The following CENPP variants were observed in gnomAD, a reference collection of about 807,000 sequenced individuals.
CENPP encodes centromere protein P.
Under a neutral mutation model 35.6 loss-of-function variants are expected in CENPP, and 24 were observed. That is an observed-to-expected ratio of 0.67 (90% CI 0.49 to 0.95). The LOEUF is 0.95. Among genes scored for constraint, CENPP ranks in the 40% least tolerant of loss-of-function variants. The probability of loss-of-function intolerance (pLI) is 0.00; values close to 1 mark genes in which losing one functional copy is unlikely to be tolerated. For synonymous variants in CENPP, 120 were observed against 125.5 expected, an observed-to-expected ratio of 0.96 and a Z score of 0.29; for missense variants, 332 against 345.3, an observed-to-expected ratio of 0.96 and a Z score of 0.31.
intron 5 of CENPP, chr9:92,403,315 A>G: frequency 6.2e-7 from 1 of 1,613,120 alleles, no homozygotes; most frequent in Non-Finnish European, 8.5e-7. Context: ...TTCCATAATC[A>G]TAGATAATGC....
intron 5 of CENPP, among the ~76,000 whole-genome samples, chr9:92,447,117 C>T (rs772837403): frequency 5.3e-5 from 8 of 151,922 alleles, no homozygotes; most frequent in Non-Finnish European, 8.8e-5. Flanking sequence ...CTTTTTGTCA[C>T]CAGGGACCAG....
intron 5 of CENPP, among the ~76,000 whole-genome samples, chr9:92,529,791 T>G (rs1327869129): frequency 1.3e-5 from 2 of 152,148 alleles, no homozygotes; most frequent in African/African-American, 4.8e-5. Flanking sequence ...AATAGTGAAT[T>G]TGGGGCGGAG....
chr9:92,501,743 A>C lies in CENPP; in HGVS notation c.565-109571A>C, dbSNP rs182479686. ...GCTGCTGAGCCCAATTGGCCTCTCC[A>C]TCCTGCTTCTGAATGACACGTGTCC... On this transcript the variant is annotated intron_variant, in intron 5 of 7. Transcript: ENST00000375587. Among the ~76,000 whole-genome samples, 3 of 152,144 alleles carry C rather than the reference A, an allele frequency of 2.0e-5. No homozygotes were observed. In the East Asian group the frequency reaches 5.8e-4, roughly 30 times the overall value.
intron 5 of CENPP, among the ~76,000 whole-genome samples, chr9:92,582,277 C>G (rs772706258): frequency 2.6e-5 from 4 of 152,094 alleles, no homozygotes; most frequent in Non-Finnish European, 5.9e-5. Flanking sequence ...AGGCTGGTCT[C>G]GAACTCCTGA....
intron 5 of CENPP, among the ~76,000 whole-genome samples, chr9:92,570,177 T>C (rs1850097788): frequency 6.6e-6 from 1 of 151,888 alleles, no homozygotes; most frequent in Non-Finnish European, 1.5e-5. Context: ...AGGGAGTGCT[T>C]CTAGTCTGCC....
intron 5 of CENPP, chr9:92,470,790 G>T: frequency 1.4e-6 from 2 of 1,431,324 alleles, no homozygotes; most frequent in Non-Finnish European, 1.9e-6. Context: ...ACCTTAGAAA[G>T]AAACAAACAT....
intron 5 of CENPP, among the ~76,000 whole-genome samples, chr9:92,488,180 T>C (rs1846104708): frequency 6.6e-6 from 1 of 152,226 alleles, no homozygotes; most frequent in South Asian, 2.1e-4. Context: ...GTATTATTCA[T>C]TGGTGAATAT....
At chr9:92,542,601 C>T (rs79455602) in intron 5 of CENPP, among the ~76,000 whole-genome samples, 1,667 of 152,080 alleles carry the variant, frequency 0.011, 25 homozygotes, top group African/African-American at 0.037. Context: ...ACTGCAATCT[C>T]TGCCTCCCGG....
intron 5 of CENPP, chr9:92,457,371 C>A: frequency 6.2e-7 from 1 of 1,613,916 alleles, no homozygotes; most frequent in East Asian, 2.2e-5. Context: ...CAGTATTTCA[C>A]CGGGTTGTTG....
intron 5 of CENPP, among the ~76,000 whole-genome samples, chr9:92,546,711 C>T (rs931919285): frequency 6.6e-6 from 1 of 152,106 alleles, no homozygotes; most frequent in Non-Finnish European, 1.5e-5. Flanking sequence ...TCAGTGAGAC[C>T]AAGAACCCAG....
At chr9:92,359,256 A>C (rs958096106) in intron 4 of CENPP, among the ~76,000 whole-genome samples, 10 of 151,764 alleles carry the variant, frequency 6.6e-5, no homozygotes, top group African/African-American at 1.7e-4. Context: ...GCCTTCTTTT[A>C]TATTTCTTTG....
rs368173604 is a variant in CENPP at position 92,520,222 on chromosome 9, GC to G, written c.565-91091del. ...CACTGAAGCCCAGGAGTTCAAGACT[GC>G]AGTGAGCTATGATTGTACCACCGTA... is the stretch of plus-strand genomic sequence containing the variant. On this transcript the variant is annotated intron_variant, in intron 5 of 7. Transcript: ENST00000375587. Among the ~76,000 whole-genome samples, 555 of 151,680 alleles carry G rather than the reference GC, an allele frequency of 3.7e-3. 2 individuals carry two copies. Among genetic ancestry groups the G allele is most frequent in the African/African-American group, 0.012 (494 of 41,098 alleles).
chr9:92,541,677 C>T (rs1358189290), intron 5 of CENPP, among the ~76,000 whole-genome samples: 2 of 151,978 alleles, frequency 1.3e-5, no homozygotes, highest in Admixed American at 1.3e-4. Flanking sequence ...TTCATATATA[C>T]ATTTTCTTTA....
chr9:92,375,944 T>G (rs1842116384), intron 4 of CENPP, among the ~76,000 whole-genome samples: 1 of 152,048 alleles, frequency 6.6e-6, no homozygotes, highest in Non-Finnish European at 1.5e-5. Flanking sequence ...CTGTACATTT[T>G]GAATATTATG....
chr9:92,577,416 G>A (rs2131362108), intron 5 of CENPP, among the ~76,000 whole-genome samples: 1 of 152,300 alleles, frequency 6.6e-6, no homozygotes, highest in East Asian at 1.9e-4. Context: ...TCGGGAGGCT[G>A]TGATGTATTC....
At chr9:92,426,403 C>T (rs17519453) in intron 5 of CENPP, among the ~76,000 whole-genome samples, 5,443 of 152,248 alleles carry the variant, frequency 0.036, 129 homozygotes, top group South Asian at 0.085. Flanking sequence ...CAATTTTCTG[C>T]TCATTTGTTC....
At chr9:92,376,753 G>A (rs1842133336) in intron 4 of CENPP, among the ~76,000 whole-genome samples, 1 of 152,124 alleles carries the variant, frequency 6.6e-6, no homozygotes, top group Admixed American at 6.6e-5. Context: ...GAAAAGGGAA[G>A]ATGGAGACCA....
chr9:92,328,578 C>T (rs1370577004), intron 1 of CENPP, among the ~76,000 whole-genome samples: 1 of 152,096 alleles, frequency 6.6e-6, no homozygotes, highest in Non-Finnish European at 1.5e-5. Context: ...GTACTTGCCT[C>T]ATAATAGTAA....
chr9:92,499,194 A>G (rs1400874604), intron 5 of CENPP, among the ~76,000 whole-genome samples: 2 of 152,254 alleles, frequency 1.3e-5, no homozygotes, highest in Non-Finnish European at 2.9e-5. Flanking sequence ...AACTGCTTAC[A>G]TGAAAGCCTA....
Sources: allele counts gnomAD v4.1 joint callset (sites outside exome capture counted in the v4.1 genomes callset), GRCh38; gene constraint gnomAD v4.1.1; transcripts MANE v1.5; gene names NCBI Gene and HGNC (gene_info 2026-07-23, HGNC 2026-07-21).